The following ARHGAP22 variants were observed in gnomAD, a reference collection of about 807,000 sequenced individuals.
ARHGAP22 encodes rho GTPase-activating protein 22.
ARHGAP22 carries 48 observed loss-of-function variants against 59.1 expected under a neutral mutation model. The observed-to-expected ratio is 0.81, with a 90% CI of 0.64 to 1.03. The LOEUF is 1.03. ARHGAP22 is among the 50% of genes least tolerant of loss of function. The probability of loss-of-function intolerance (pLI) is 0.00; values close to 1 mark genes in which losing one functional copy is unlikely to be tolerated. For missense variants in ARHGAP22, 1,015 were observed against 958.7 expected, an observed-to-expected ratio of 1.06 and a Z score of -0.78; for synonymous variants, 445 against 416.4, an observed-to-expected ratio of 1.07 and a Z score of -0.84.
intron 2 of ARHGAP22, among the ~76,000 whole-genome samples, chr10:48,561,210 T>C (rs2057666554): frequency 6.6e-6 from 1 of 152,180 alleles, no homozygotes; most frequent in Non-Finnish European, 1.5e-5. Context: ...TCTGTCTCCA[T>C]ATATGGATAA....
At chr10:48,549,683 C>T (rs967153368) in intron 3 of ARHGAP22, among the ~76,000 whole-genome samples, 1 of 152,154 alleles carries the variant, frequency 6.6e-6, no homozygotes, top group Admixed American at 6.5e-5. Flanking sequence ...CGGTCCTCCT[C>T]CTCTTGGAAT....
chr10:48,597,253 T>C (rs1442925223), intron 1 of ARHGAP22, among the ~76,000 whole-genome samples: 6 of 152,102 alleles, frequency 3.9e-5, no homozygotes, highest in Non-Finnish European at 7.3e-5. Flanking sequence ...ACTTTGTGCC[T>C]CTGTAGATGA....
At chr10:48,628,566 C>A (rs989122531) in intron 1 of ARHGAP22, among the ~76,000 whole-genome samples, 4 of 152,148 alleles carry the variant, frequency 2.6e-5, no homozygotes, top group African/African-American at 9.7e-5. Flanking sequence ...TACCCTACCA[C>A]CTTGAGGCTC....
At chr10:48,494,612 CATCT>C (rs1295206140) in intron 3 of ARHGAP22, among the ~76,000 whole-genome samples, 2 of 152,174 alleles carry the variant, frequency 1.3e-5, no homozygotes, top group African/African-American at 2.4e-5. Context: ...TCTATCCATC[CATCT>C]GTCCGTCCAT....
chr10:48,654,425 G>T (rs946064123), upstream of ARHGAP22, among the ~76,000 whole-genome samples: 5 of 152,170 alleles, frequency 3.3e-5, no homozygotes, highest in Admixed American at 2.0e-4. Flanking sequence ...GCCTTGGTTG[G>T]TCCACTCACC....
chr10:48,436,508 G>C, the ARHGAP22 span: 3 of 152,192 alleles, frequency 2.0e-5, no homozygotes, highest in African/African-American at 7.2e-5. Flanking sequence ...TTCATGTAAT[G>C]AACTAGGAAA....
chr10:48,560,477 T>C (rs2135384521), intron 2 of ARHGAP22, among the ~76,000 whole-genome samples: 1 of 152,332 alleles, frequency 6.6e-6, no homozygotes, highest in South Asian at 2.1e-4. Flanking sequence ...TCCTTTCCAA[T>C]GTGAACAACT....
At chr10:48,558,597 G>A (rs2057475737) in intron 2 of ARHGAP22, among the ~76,000 whole-genome samples, 1 of 152,048 alleles carries the variant, frequency 6.6e-6, no homozygotes, top group Non-Finnish European at 1.5e-5. Context: ...GATTTCCTGG[G>A]CTCAAGCAAT....
intron 4 of ARHGAP22, among the ~76,000 whole-genome samples, chr10:48,474,780 C>T (rs1009681040): frequency 1.3e-5 from 2 of 152,176 alleles, no homozygotes; most frequent in East Asian, 3.8e-4. Context: ...GACATTAAAT[C>T]ACCCTTCCAT....
chr10:48,596,653 A>C (rs2060084460), intron 1 of ARHGAP22, among the ~76,000 whole-genome samples: 1 of 152,208 alleles, frequency 6.6e-6, no homozygotes, highest in South Asian at 2.1e-4. Flanking sequence ...CCATACCCTA[A>C]GCCCTTGCCA....
chr10:48,559,615 A>T (rs2057553833), intron 2 of ARHGAP22, among the ~76,000 whole-genome samples: 1 of 152,224 alleles, frequency 6.6e-6, no homozygotes, highest in Non-Finnish European at 1.5e-5. Flanking sequence ...ATGGTCATTA[A>T]GTGCTGATTG....
intron 1 of ARHGAP22, among the ~76,000 whole-genome samples, chr10:48,611,140 C>A (rs2060867465): frequency 6.6e-6 from 1 of 152,206 alleles, no homozygotes; most frequent in African/African-American, 2.4e-5. Context: ...CTGTGGGTTT[C>A]TCACAAGGGG....
Position 48,528,590 on chromosome 10 carries a change from C to T in ARHGAP22, c.322+26873G>A, listed in dbSNP as rs550256968. ...GGGTCCAGCACCTTAGGGGACAGCACAGGAATGGTCCCTGATATGGTGTAG... is the reference window on the plus strand; with the variant it reads ...GGGTCCAGCACCTTAGGGGACAGCATAGGAATGGTCCCTGATATGGTGTAG... On this transcript the variant is annotated intron_variant, in intron 3 of 9. Coordinates refer to ENST00000249601, the MANE Select transcript of ARHGAP22 (RefSeq NM_021226.4). Among the ~76,000 whole-genome samples the T allele has an allele frequency of 3.3e-5, 5 of 152,272 alleles. No homozygotes were observed. In the East Asian group the frequency reaches 9.7e-4, roughly 29 times the overall value.
intron 1 of ARHGAP22, among the ~76,000 whole-genome samples, chr10:48,590,238 C>T (rs1490759694): frequency 1.3e-5 from 2 of 151,802 alleles, no homozygotes. Flanking sequence ...GCAGGGTGCC[C>T]CTTGCTAGAA....
At chr10:48,438,078 C>T in the ARHGAP22 span, 3 of 152,338 alleles carry the variant, frequency 2.0e-5, no homozygotes, top group African/African-American at 7.2e-5. Flanking sequence ...GCCTGCACAA[C>T]ATTTTGAGGT....
chr10:48,488,798 G>C (rs1287803231), intron 3 of ARHGAP22, among the ~76,000 whole-genome samples: 2 of 152,180 alleles, frequency 1.3e-5, no homozygotes, highest in African/African-American at 4.8e-5. Flanking sequence ...ATGGTGACGA[G>C]TGCATGGCTC....
intron 1 of ARHGAP22, among the ~76,000 whole-genome samples, chr10:48,612,925 G>A (rs2135981811): frequency 6.6e-6 from 1 of 152,286 alleles, no homozygotes; most frequent in South Asian, 2.1e-4. Context: ...TATGTCTCAG[G>A]CTGGAAACCA....
At chr10:48,547,989 C>T (rs749742300) in intron 3 of ARHGAP22, among the ~76,000 whole-genome samples, 4 of 152,212 alleles carry the variant, frequency 2.6e-5, no homozygotes, top group African/African-American at 4.8e-5. Context: ...CCCCACTAGG[C>T]GAAGTCTTGG....
chr10:48,609,723 T>C (rs1051813431), upstream of ARHGAP22, among the ~76,000 whole-genome samples: 34 of 152,166 alleles, frequency 2.2e-4, no homozygotes, highest in African/African-American at 8.0e-4. Context: ...CTGTATGGAG[T>C]TCGGCACCTT....
Sources: gnomAD v4.1 joint callset for allele counts (sites outside exome capture counted in the v4.1 genomes callset) on GRCh38, gnomAD v4.1.1 for gene constraint, MANE v1.5 for transcripts, NCBI Gene and HGNC (gene_info 2026-07-23, HGNC 2026-07-21) for gene names.